Variants in CDKAL1 observed in about 807,000 individuals in gnomAD.
CDKAL1 encodes the protein threonylcarbamoyladenosine tRNA methylthiotransferase.
Under a neutral mutation model 68.2 loss-of-function variants are expected in CDKAL1, and 32 were observed. That is an observed-to-expected ratio of 0.47 (90% confidence interval 0.35 to 0.63). CDKAL1 has a LOEUF of 0.63. Among genes scored for constraint, CDKAL1 ranks in the 30% least tolerant of loss-of-function variants. The pLI is 0.00. For synonymous variants in CDKAL1, 234 were observed against 244.3 expected (o/e 0.96, Z 0.39); for missense variants, 606 against 696.7 (o/e 0.87, Z 1.47).
chr6:20,747,957 C>G (rs908333297), intron 6 of CDKAL1, among the ~76,000 whole-genome samples: 5 of 152,184 alleles, frequency 3.3e-5, no homozygotes, highest in Admixed American at 1.3e-4. Flanking sequence ...AGAGAGTTTT[C>G]TCCCAGGAAT....
intron 5 of CDKAL1, among the ~76,000 whole-genome samples, chr6:20,676,630 G>A (rs1019710797): frequency 6.6e-6 from 1 of 151,314 alleles, no homozygotes; most frequent in Admixed American, 6.6e-5. Context: ...TTGCGCCACT[G>A]CACTCCAGCC....
intron 13 of CDKAL1, among the ~76,000 whole-genome samples, chr6:21,112,648 A>G (rs189848094): frequency 6.6e-6 from 1 of 152,190 alleles, no homozygotes; most frequent in Non-Finnish European, 1.5e-5. Context: ...TTCTACATAT[A>G]TATGCATGTA....
At chr6:20,541,459 T>C (rs1763384301) in intron 2 of CDKAL1, among the ~76,000 whole-genome samples, 1 of 152,146 alleles carries the variant, frequency 6.6e-6, no homozygotes, top group Non-Finnish European at 1.5e-5. Flanking sequence ...CAAGTTGACA[T>C]CCTCCCAACT....
chr6:20,578,673 A>G (rs1765013066), intron 4 of CDKAL1, among the ~76,000 whole-genome samples: 1 of 152,172 alleles, frequency 6.6e-6, no homozygotes, highest in Non-Finnish European at 1.5e-5. Context: ...CTTTACACAC[A>G]TTATCTTATT....
chr6:21,016,243 G>A (rs542470729), intron 11 of CDKAL1, among the ~76,000 whole-genome samples: 2 of 151,664 alleles, frequency 1.3e-5, no homozygotes, highest in East Asian at 1.9e-4. Context: ...CCTTTTATAC[G>A]TGAGGAAAGT....
intron 10 of CDKAL1, among the ~76,000 whole-genome samples, chr6:20,986,565 T>C (rs745842325): frequency 5.3e-5 from 8 of 152,056 alleles, no homozygotes; most frequent in Non-Finnish European, 1.0e-4. Context: ...TTCAGCCTTA[T>C]AAGATACTAC....
At chr6:20,798,339 C>T (rs1776201622) in intron 8 of CDKAL1, among the ~76,000 whole-genome samples, 1 of 151,868 alleles carries the variant, frequency 6.6e-6, no homozygotes, top group Non-Finnish European at 1.5e-5. Context: ...GAACTGTACA[C>T]CTTCCAGAAA....
intron 11 of CDKAL1, among the ~76,000 whole-genome samples, chr6:21,006,742 C>T (rs1287119362): frequency 6.6e-6 from 1 of 152,144 alleles, no homozygotes; most frequent in Non-Finnish European, 1.5e-5. Context: ...TCTGGGACTA[C>T]CCCAAATTCG....
intron 9 of CDKAL1, among the ~76,000 whole-genome samples, chr6:20,910,614 A>T (rs191622350): frequency 6.6e-6 from 1 of 152,176 alleles, no homozygotes; most frequent in Admixed American, 6.5e-5. Flanking sequence ...GTGTGCCCTG[A>T]TTTGCTGGCT....
At chr6:21,214,874 G>A (rs865902558) in intron 15 of CDKAL1, among the ~76,000 whole-genome samples, 12 of 149,788 alleles carry the variant, frequency 8.0e-5, no homozygotes, top group South Asian at 4.3e-4. Flanking sequence ...ACGTCTGTTG[G>A]ATGAATGAAT....
At chr6:21,154,306 C>T (rs112902997) in intron 13 of CDKAL1, among the ~76,000 whole-genome samples, 2,224 of 152,276 alleles carry the variant, frequency 0.015, 59 homozygotes, top group African/African-American at 0.051. Flanking sequence ...ATCAAAAACC[C>T]ATTCTAAGGA....
intron 15 of CDKAL1, among the ~76,000 whole-genome samples, chr6:21,230,011 A>G (rs1779895986): frequency 6.6e-6 from 1 of 152,104 alleles, no homozygotes; most frequent in Non-Finnish European, 1.5e-5. Flanking sequence ...TGATGATAGT[A>G]TTTGTATGGC....
At chr6:20,779,646 G>A (rs780584466) in intron 7 of CDKAL1, among the ~76,000 whole-genome samples, 1 of 152,190 alleles carries the variant, frequency 6.6e-6, no homozygotes. Context: ...GCGCAGTGGC[G>A]TGATCTTGGC....
At chr6:20,962,889 T>C (rs1765120486) in intron 10 of CDKAL1, among the ~76,000 whole-genome samples, 1 of 152,190 alleles carries the variant, frequency 6.6e-6, no homozygotes. Context: ...GTTGGCACTG[T>C]TTTTTGCCAT....
chr6:21,165,596 T>C (rs1339422378), intron 13 of CDKAL1, among the ~76,000 whole-genome samples: 1 of 152,226 alleles, frequency 6.6e-6, no homozygotes, highest in Non-Finnish European at 1.5e-5. Context: ...GAAACAACAT[T>C]AGTAAATTAC....
chr6:20,926,402 G>A (rs1346773223), intron 9 of CDKAL1, among the ~76,000 whole-genome samples: 5 of 151,862 alleles, frequency 3.3e-5, no homozygotes, highest in Non-Finnish European at 1.5e-5. Flanking sequence ...CAGTGAAAAT[G>A]GTTAAAAAAA....
chr6:21,116,655 A>T (rs1774427551), intron 13 of CDKAL1, among the ~76,000 whole-genome samples: 1 of 152,110 alleles, frequency 6.6e-6, no homozygotes, highest in Admixed American at 6.6e-5. Flanking sequence ...TACCCTACTT[A>T]GCAGCATATT....
At chr6:21,085,186 C>T (rs888939463) in intron 12 of CDKAL1, among the ~76,000 whole-genome samples, 1 of 152,172 alleles carries the variant, frequency 6.6e-6, no homozygotes, top group Admixed American at 6.5e-5. Context: ...ATCTTTTTGC[C>T]TGTAATCACC....
At chr6:20,944,108 T>A (rs1401877156) in intron 9 of CDKAL1, among the ~76,000 whole-genome samples, 1 of 152,198 alleles carries the variant, frequency 6.6e-6, no homozygotes, top group Non-Finnish European at 1.5e-5. Context: ...CTCAGAAAGG[T>A]CACTGGGCTC....
Sources: gnomAD v4.1 joint callset for allele counts (sites outside exome capture counted in the v4.1 genomes callset) on GRCh38, gnomAD v4.1.1 for gene constraint, MANE v1.5 for transcripts, NCBI Gene and HGNC (gene_info 2026-07-23, HGNC 2026-07-21) for gene names.